Variants in EPS8 observed in about 807,000 individuals in gnomAD.
The protein encoded by EPS8 is EGFR pathway substrate 8, signaling adaptor.
Under a neutral mutation model 103.8 loss-of-function variants are expected in EPS8, and 42 were observed. The observed-to-expected ratio is 0.40, with a 90% CI of 0.32 to 0.52. EPS8 has a LOEUF of 0.52. EPS8 is among the 20% of genes least tolerant of loss of function. EPS8 has a pLI of 0.40. For synonymous variants in EPS8, 344 were observed against 344.6 expected (o/e 1.00, Z 0.02); for missense variants, 969 against 1,005.1 (o/e 0.96, Z 0.49).
chr12:15,705,479 G>T (rs1946373257), intron 1 of EPS8, among the ~76,000 whole-genome samples: 1 of 151,672 alleles, frequency 6.6e-6, no homozygotes, highest in Non-Finnish European at 1.5e-5. Flanking sequence ...GTACTCCAAG[G>T]GGTTTAAAAA....
intron 1 of EPS8, among the ~76,000 whole-genome samples, chr12:15,687,795 C>A (rs931010385): frequency 1.3e-5 from 2 of 152,182 alleles, no homozygotes; most frequent in African/African-American, 4.8e-5. Flanking sequence ...ACATGTACTA[C>A]TGGATGCTAT....
At chr12:15,729,463 G>T in intron 1 of EPS8, among the ~76,000 whole-genome samples, 1 of 151,494 alleles carries the variant, frequency 6.6e-6, no homozygotes, top group South Asian at 2.1e-4. Context: ...TCTTCTTATG[G>T]CTTCGGTTAG....
At chr12:15,640,617 A>G in intron 17 of EPS8, 86 bp downstream of exon 17, 1 of 1,193,238 alleles carries the variant, frequency 8.4e-7, no homozygotes, top group Non-Finnish European at 1.2e-6. Context: ...CAAAATGATC[A>G]ATACACAAAG....
At chr12:15,635,908 T>A (rs1203586647) in intron 17 of EPS8, among the ~76,000 whole-genome samples, 1 of 152,160 alleles carries the variant, frequency 6.6e-6, no homozygotes, top group East Asian at 1.9e-4. Flanking sequence ...GACTGGACAT[T>A]CATAATTACT....
In EPS8 at chr12:15,652,920, T is replaced by A. The variant is rs1294452061; in HGVS notation, c.1250+1225A>T. On this transcript the variant is annotated intron_variant, in intron 13 of 20. Transcript: ENST00000281172. ...AGGAAGACAAATGTCTAAGTGGCCA[T>A]ACTAAGTGATTTATTCTAAGTGGTG... is the stretch of plus-strand genomic sequence containing the variant. Among the ~76,000 whole-genome samples, 9 of 152,178 alleles carry A rather than the reference T, an allele frequency of 5.9e-5. No individual in the cohort carries two copies. In the East Asian group the frequency reaches 1.5e-3, roughly 26 times the overall value.
intron 4 of EPS8, among the ~76,000 whole-genome samples, chr12:15,670,307 C>G (rs542081847): frequency 6.6e-6 from 1 of 152,138 alleles, no homozygotes; most frequent in Non-Finnish European, 1.5e-5. Flanking sequence ...AAACCACTTA[C>G]TGAAACAAAA....
In EPS8 at chr12:15,714,561, G is replaced by A. The variant is rs1946507611; in HGVS notation, c.-21-31589C>T. ...TGAGGCTGAGACAGGAGAACTGCTT[G>A]AGCCCAGGAGTTTGAGCCCAGGAGT... On this transcript the variant is annotated intron_variant, in intron 1 of 20. Coordinates refer to ENST00000281172, the MANE Select transcript of EPS8 (RefSeq NM_004447.6). The surrounding 1 kb of genome is among the most constrained non-coding windows in gnomAD (Gnocchi z 4.1). Among the ~76,000 whole-genome samples, 1 of 152,132 alleles carries A rather than the reference G, an allele frequency of 6.6e-6. No individual in the cohort carries two copies. Among genetic ancestry groups the A allele is most frequent in the African/African-American group, 2.4e-5 (1 of 41,412 alleles).
At position 15,624,413 on chromosome 12, in the gene EPS8, C is replaced by T. The variant is rs768848493; in HGVS notation, c.2045-6G>A. 3 of 1,550,334 alleles carry T rather than the reference C, an allele frequency of 1.9e-6. No individual in the cohort carries two copies. The highest frequency in any genetic ancestry group is 2.6e-6 in the Non-Finnish European group (3 of 1,145,888). On this transcript the variant is annotated splice_region_variant and splice_polypyrimidine_tract_variant and intron_variant, in intron 18 of 20. Transcript: ENST00000281172. ...CTCCATCTGAGATTTCCTTCCTAGA[C>T]ACCAACAGGGAGTAGGTTCTTTTTG...
intron 17 of EPS8, among the ~76,000 whole-genome samples, chr12:15,639,719 G>A (rs912985636): frequency 2.6e-5 from 4 of 152,120 alleles, no homozygotes; most frequent in African/African-American, 7.2e-5. Flanking sequence ...AAATTGTCAC[G>A]GCAGCAGAAG....
chr12:15,652,534 T>A (rs1318008142), intron 13 of EPS8, among the ~76,000 whole-genome samples: 1 of 152,166 alleles, frequency 6.6e-6, no homozygotes, highest in Non-Finnish European at 1.5e-5. Flanking sequence ...TACGAATGTA[T>A]CAAACTATCA....
At position 15,696,014 on chromosome 12, in the gene EPS8, G is replaced by T. The variant is rs1423611571; in HGVS notation, c.-21-13042C>A. Among the ~76,000 whole-genome samples the T allele has an allele frequency of 1.3e-5, 2 of 152,168 alleles. No homozygotes were observed. Among genetic ancestry groups the T allele is most frequent in the African/African-American group, 2.4e-5 (1 of 41,446 alleles). On this transcript the variant is annotated intron_variant, in intron 1 of 20. Transcript: ENST00000281172. This position sits in a 1 kb window ranked among gnomAD's most constrained non-coding sequence, Gnocchi z 4.8. ...ACAAACACAGACTGCATCAAACCTA[G>T]CTATGAACTTCTCAAAAGTATGGGA...
At chr12:15,624,087 G>A (rs1944904403) in intron 19 of EPS8, 140 bp downstream of exon 19, 3 of 628,166 alleles carry the variant, frequency 4.8e-6, no homozygotes, top group Non-Finnish European at 8.4e-6. Flanking sequence ...AACAGCTATA[G>A]TGAGTTCTTG....
At chr12:15,640,611 A>G (rs1039397966) in intron 17 of EPS8, 92 bp downstream of exon 17, 9 of 1,146,938 alleles carry the variant, frequency 7.8e-6, no homozygotes, top group Non-Finnish European at 8.5e-6. Context: ...ACATCTCAAA[A>G]TGATCAATAC....
intron 1 of EPS8, among the ~76,000 whole-genome samples, chr12:15,715,811 C>T (rs1946527014): frequency 6.6e-6 from 1 of 151,852 alleles, no homozygotes; most frequent in South Asian, 2.1e-4. Context: ...TTCTAATAAA[C>T]TTTCCCGAAC....
At chr12:15,678,914 CAAAAAAA>C (rs34794895) in intron 3 of EPS8, among the ~76,000 whole-genome samples, 2 of 54,760 alleles carry the variant, frequency 3.7e-5, no homozygotes, top group Non-Finnish European at 8.0e-5. Flanking sequence ...ACTCTGTCTC[CAAAAAAA>C]AAAAAAAAAA....
chr12:15,785,691 C>T lies in EPS8; in HGVS notation c.-22+3470G>A, dbSNP rs538306720. On this transcript the variant is annotated intron_variant, in intron 1 of 20. Coordinates refer to ENST00000281172, the MANE Select transcript of EPS8 (RefSeq NM_004447.6). The surrounding 1 kb of genome is among the most constrained non-coding windows in gnomAD (Gnocchi z 4.9). ...CTTGGTTTCTAACACCATTCCCCAA[C>T]AAAATGATCCAGATTCCTTGGAGAA... Among the ~76,000 whole-genome samples the T allele has an allele frequency of 2.6e-5, 4 of 152,092 alleles. No homozygotes were observed. The highest frequency in any genetic ancestry group is 9.6e-5 in the African/African-American group (4 of 41,506).
At chr12:15,712,091 T>C (rs955646274) in intron 1 of EPS8, among the ~76,000 whole-genome samples, 2 of 152,206 alleles carry the variant, frequency 1.3e-5, no homozygotes, top group South Asian at 2.1e-4. Context: ...GATCTTTATA[T>C]ATTATGAATT....
intron 4 of EPS8, among the ~76,000 whole-genome samples, chr12:15,670,586 A>C (rs187894013): frequency 1.1e-3 from 165 of 152,288 alleles, no homozygotes; most frequent in Middle Eastern, 0.01. Context: ...TATAGTACAA[A>C]GTAAAAGCCA....
chr12:15,633,280 G>T (rs1030549411), intron 17 of EPS8, among the ~76,000 whole-genome samples: 2 of 152,194 alleles, frequency 1.3e-5, no homozygotes, highest in Non-Finnish European at 2.9e-5. Flanking sequence ...TCACCAGAAT[G>T]TAATACTTAG....
Sources: gnomAD v4.1 joint callset for allele counts (sites outside exome capture counted in the v4.1 genomes callset) on GRCh38, gnomAD v4.1.1 for gene constraint, Gnocchi (gnomAD v3.1) non-coding constraint, MANE v1.5 for transcripts, NCBI Gene and HGNC (gene_info 2026-07-23, HGNC 2026-07-21) for gene names.